COL5A3: variants seen among roughly 807,000 people sequenced by gnomAD.
COL5A3 encodes the protein collagen type V alpha 3 chain.
Under a neutral mutation model 250.0 loss-of-function variants are expected in COL5A3, and 172 were observed. That is an observed-to-expected ratio of 0.69 (90% CI 0.61 to 0.78). The LOEUF (loss-of-function observed/expected upper bound fraction) is 0.78, where lower values mean the gene tolerates loss of function less well. COL5A3 is among the 30% of genes least tolerant of loss of function. COL5A3 has a pLI of 0.00. For missense variants in COL5A3, 2,340 were observed against 2,334.4 expected (o/e 1.00, Z -0.05); for synonymous variants, 937 against 900.4 (o/e 1.04, Z -0.73).
intron 40 of COL5A3, 50 bp from the exon 41 acceptor site, chr19:9,978,677 G>A: frequency 1.5e-6 from 2 of 1,313,122 alleles, no homozygotes; most frequent in Non-Finnish European, 1.0e-6. Flanking sequence ...GGTGTCCCCA[G>A]GTCCTGTCTT....
chr19:9,997,231 C>A, intron 11 of COL5A3, 140 bp downstream of exon 11: 1 of 711,054 alleles, frequency 1.4e-6, no homozygotes, highest in Admixed American at 2.1e-5. Flanking sequence ...AGATGGGAGA[C>A]AGAGAACAGA....
rs754812046 is a variant in COL5A3 at position 9,998,035 on chromosome 19, G to A, written c.1159-10C>T. The A allele has an allele frequency of 4.3e-6, 7 of 1,613,970 alleles. No individual in the cohort carries two copies. The highest frequency in any genetic ancestry group is 5.9e-6 in the Non-Finnish European group (7 of 1,180,030). On this transcript the variant is annotated splice_polypyrimidine_tract_variant and intron_variant, in intron 9 of 66. Transcript: ENST00000264828. The stretch of plus-strand genomic sequence containing the variant: ...CCTCAAACTGCTGCCCCTGAAGGGA[G>A]AAGTGAGTGTCGGTGACCGCTGTCA...
intron 1 of COL5A3, among the ~76,000 whole-genome samples, chr19:10,006,959 A>C (rs9749454): frequency 0.65 from 98,306 of 150,296 alleles, 33,503 homozygotes; most frequent in African/African-American, 0.85. Flanking sequence ...TCCTCTATGA[A>C]CTTCCTCTCT....
At chr19:10,002,690 A>G (rs542205156) in intron 6 of COL5A3, among the ~76,000 whole-genome samples, 3 of 152,180 alleles carry the variant, frequency 2.0e-5, no homozygotes, top group African/African-American at 7.2e-5. Context: ...ACCCCTAATC[A>G]ATTATTCCTC....
At chr19:9,980,973 G>A in intron 33 of COL5A3, 114 bp from the exon 34 acceptor site, 1 of 1,498,818 alleles carries the variant, frequency 6.7e-7, no homozygotes, top group Non-Finnish European at 9.2e-7. Context: ...CCCGACCAGG[G>A]ACATTGATAT....
chr19:9,977,529 G>A (rs1327393383), intron 42 of COL5A3, 57 bp from the exon 43 acceptor site: 8 of 1,504,990 alleles, frequency 5.3e-6, no homozygotes, highest in Non-Finnish European at 7.2e-6. Context: ...CAGGAGCCAT[G>A]TCCTGGGATG....
In COL5A3 at chr19:10,009,380, A is replaced by C. The variant is rs2087492156; in HGVS notation, c.88+918T>G. ...ACAGGGCGCCCAGCCAGATGCGCGC[A>C]GCTGGGCGTGCGTCAGCGCTGACTC... On this transcript the variant is annotated intron_variant, in intron 1 of 66. Coordinates refer to ENST00000264828, the MANE Select transcript of COL5A3 (RefSeq NM_015719.4). This position sits in a 1 kb window ranked among gnomAD's most constrained non-coding sequence, Gnocchi z 4.4. Among the ~76,000 whole-genome samples, 1 of 151,828 alleles carries C rather than the reference A, an allele frequency of 6.6e-6. No homozygotes were observed. The highest frequency in any genetic ancestry group is 3.2e-3 in the Middle Eastern group (1 of 316).
chr19:9,997,074 C>A, intron 11 of COL5A3: 1 of 545,214 alleles, frequency 1.8e-6, no homozygotes, highest in Non-Finnish European at 3.3e-6. Context: ...GGACAGAGAC[C>A]AACAGAGAGA....
intron 6 of COL5A3, among the ~76,000 whole-genome samples, chr19:10,002,783 C>T (rs753391499): frequency 2.5e-4 from 38 of 152,094 alleles, no homozygotes; most frequent in Non-Finnish European, 4.7e-4. Flanking sequence ...ATAGTAATTC[C>T]ACCCATCAAT....
rs1326143687 is a variant in COL5A3 at position 9,989,151 on chromosome 19, C to T, written c.2118G>A (p.Pro706=). 4 of 1,614,194 alleles carry T rather than the reference C, an allele frequency of 2.5e-6. No individual in the cohort carries two copies. The highest frequency in any genetic ancestry group is 1.7e-5 in the Admixed American group (1 of 60,012). ...TCACTCCCCGAGGTCCAGGATAGCC[C>T]GGAGGGCCTGCCGACCCTGGTGGAC... ...AQGPPGSAGP[P]GYPGPRGVKG... is the part of the protein sequence containing the mutation. The change falls in exon 27 of 67, where the codon CCG becomes CCA. Residue 706 remains proline, a synonymous_variant. Transcript: ENST00000264828.
At chr19:9,993,939 G>T in intron 16 of COL5A3, 133 bp from the exon 17 acceptor site, 2 of 764,768 alleles carry the variant, frequency 2.6e-6, no homozygotes, top group Non-Finnish European at 4.4e-6. Flanking sequence ...TCAGGTTGGA[G>T]TGCAGTGGCA....
At chr19:9,961,703 C>A (rs143556297) in intron 65 of COL5A3, among the ~76,000 whole-genome samples, 2,423 of 152,026 alleles carry the variant, frequency 0.016, 68 homozygotes, top group African/African-American at 0.055. Flanking sequence ...GGACTACGGG[C>A]GCCTGCCACC....
At chr19:9,969,189 A>G (rs1599530978) in intron 57 of COL5A3, among the ~76,000 whole-genome samples, 160 bp downstream of exon 57, 1 of 152,084 alleles carries the variant, frequency 6.6e-6, no homozygotes, top group South Asian at 2.1e-4. Flanking sequence ...GTAGACCATC[A>G]GGGTGGAAGG....
In COL5A3 at chr19:9,996,519, G is replaced by A; in HGVS notation, c.1339-3C>T. 1 of 1,614,130 alleles carries A rather than the reference G, an allele frequency of 6.2e-7. No individual in the cohort carries two copies. The highest frequency in any genetic ancestry group is 8.5e-7 in the Non-Finnish European group (1 of 1,180,010). ...AAGGAGCCGCCTGCAAACTGGAACT[G>A]GGAGGAATTTAGTGGTGAGGGAAGC... On this transcript the variant is annotated splice_polypyrimidine_tract_variant and splice_region_variant and intron_variant, in intron 12 of 66. Coordinates refer to ENST00000264828, the MANE Select transcript of COL5A3 (RefSeq NM_015719.4).
Position 10,005,574 on chromosome 19 carries a change from C to T in COL5A3, c.578G>A (p.Gly193Glu). ...AACTCCTACCTCGAAAGTCTTTTCCCCAAGGTCCTGGGTCCCCAGCACAGT... is the reference window on the plus strand; with the variant it reads ...AACTCCTACCTCGAAAGTCTTTTCCTCAAGGTCCTGGGTCCCCAGCACAGT... Reference protein sequence around the residue: ...GLTVLGTQDLGEKTFEGDIQE... With the variant: ...GLTVLGTQDLEEKTFEGDIQE... Residue 193 changes from glycine to glutamate, a missense_variant, in exon 4 of 67, where the codon GGG becomes GAG. Physicochemically the swap from Gly to Glu is moderately conservative, Grantham distance 98. Coordinates refer to ENST00000264828, the MANE Select transcript of COL5A3 (RefSeq NM_015719.4). 1 of 1,614,142 alleles carries T rather than the reference C, an allele frequency of 6.2e-7. No homozygotes were observed. Among genetic ancestry groups the T allele is most frequent in the Non-Finnish European group, 8.5e-7 (1 of 1,180,014 alleles).
chr19:9,974,070 G>A (rs2086888571), intron 47 of COL5A3, 98 bp from the exon 48 acceptor site: 1 of 1,525,536 alleles, frequency 6.6e-7, no homozygotes, highest in African/African-American at 1.4e-5. Context: ...GTGACCCTCA[G>A]GGCCCTTAAA....
At position 9,968,516 on chromosome 19, in the gene COL5A3, C is replaced by T; in HGVS notation, c.4207-24G>A. The T allele has an allele frequency of 6.3e-7, 1 of 1,580,562 alleles. No homozygotes were observed. The highest frequency in any genetic ancestry group is 1.2e-5 in the South Asian group (1 of 86,304). ...CCCTGAAGGACAAAAGAGGCACAGACAGGGGAGGACGTGGGAGGATTCAGG... is the reference window on the plus strand; with the variant it reads ...CCCTGAAGGACAAAAGAGGCACAGATAGGGGAGGACGTGGGAGGATTCAGG... On this transcript the variant is annotated intron_variant, in intron 58 of 66. Transcript: ENST00000264828. This position sits in a 1 kb window ranked among gnomAD's most constrained non-coding sequence, Gnocchi z 4.1.
rs376045556 is a variant in COL5A3 at position 9,982,052 on chromosome 19, G to C, written c.2460+13C>G. 225 of 1,605,626 alleles carry C rather than the reference G, an allele frequency of 1.4e-4. No homozygotes were observed. Among genetic ancestry groups the C allele is most frequent in the Non-Finnish European group, 1.9e-4 (218 of 1,173,536 alleles). ...AAGTTCTCCCCTCTCCCTTACCCCC[G>C]GTCATGACTCACCGACTTCCCTTTC... is the stretch of plus-strand genomic sequence containing the variant. On this transcript the variant is annotated intron_variant, in intron 32 of 66. Transcript: ENST00000264828.
chr19:10,003,755 G>A (rs1054078087), intron 5 of COL5A3, 41 bp from the exon 6 acceptor site: 17 of 1,609,606 alleles, frequency 1.1e-5, no homozygotes, highest in Admixed American at 1.7e-5. Flanking sequence ...CATCCCACCA[G>A]CAGAGACCCC....
Sources: allele counts gnomAD v4.1 joint callset (sites outside exome capture counted in the v4.1 genomes callset), GRCh38; gene constraint gnomAD v4.1.1; non-coding constraint Gnocchi (gnomAD v3.1); transcripts MANE v1.5; gene names NCBI Gene and HGNC (gene_info 2026-07-23, HGNC 2026-07-21).